Variants in PDE3A observed in about 807,000 individuals in gnomAD.
The protein encoded by PDE3A is cGMP-inhibited 3',5'-cyclic phosphodiesterase 3A.
A neutral mutation model predicts 98.3 loss-of-function variants in PDE3A; 43 were observed. That is an observed-to-expected ratio of 0.44 (90% CI 0.34 to 0.56). The LOEUF is 0.56. PDE3A is among the 20% of genes least tolerant of loss of function. The probability of loss-of-function intolerance (pLI) is 0.01; values close to 1 mark genes in which losing one functional copy is unlikely to be tolerated. For missense variants in PDE3A, 1,427 were observed against 1,440.7 expected, an observed-to-expected ratio of 0.99 and a Z score of 0.15; for synonymous variants, 663 against 567.9, an observed-to-expected ratio of 1.17 and a Z score of -2.38.
chr12:20,482,969 C>T (rs1198112737), intron 1 of PDE3A, among the ~76,000 whole-genome samples: 1 of 152,058 alleles, frequency 6.6e-6, no homozygotes, highest in East Asian at 1.9e-4. Context: ...ATAAAAGTTT[C>T]TGCTTGATTT....
chr12:20,538,401 C>A (rs112478943), intron 1 of PDE3A, among the ~76,000 whole-genome samples: 3 of 151,896 alleles, frequency 2.0e-5, no homozygotes, highest in African/African-American at 7.3e-5. Flanking sequence ...GCTGAGTTTT[C>A]CCCTTTTTAA....
At chr12:20,372,302 T>C (rs570624442) in intron 1 of PDE3A, among the ~76,000 whole-genome samples, 1 of 152,314 alleles carries the variant, frequency 6.6e-6, no homozygotes, top group Admixed American at 6.5e-5. Context: ...TTAAAGACTG[T>C]GTTAATGAAG....
At chr12:20,517,213 A>G (rs1946337740) in intron 1 of PDE3A, among the ~76,000 whole-genome samples, 1 of 152,220 alleles carries the variant, frequency 6.6e-6, no homozygotes, top group Non-Finnish European at 1.5e-5. Flanking sequence ...TGTTATCATT[A>G]GTGCCTACAC....
intron 1 of PDE3A, among the ~76,000 whole-genome samples, chr12:20,417,398 T>C (rs1740530546): frequency 6.6e-6 from 1 of 152,220 alleles, no homozygotes; most frequent in African/African-American, 2.4e-5. Context: ...TAGATACTGG[T>C]ATATTAAAGA....
chr12:20,646,705 C>T (rs765478199), intron 11 of PDE3A, 46 bp from the exon 12 acceptor site: 1 of 1,437,136 alleles, frequency 7.0e-7, no homozygotes, highest in East Asian at 2.3e-5. Context: ...CAAATAATGT[C>T]AGTACTTTTT....
At chr12:20,491,078 C>T (rs1310588710) in intron 1 of PDE3A, among the ~76,000 whole-genome samples, 1 of 152,010 alleles carries the variant, frequency 6.6e-6, no homozygotes, top group East Asian at 1.9e-4. Flanking sequence ...GAGCCTGACT[C>T]AAAAAAATCC....
At chr12:20,468,692 T>G (rs543952251) in intron 1 of PDE3A, among the ~76,000 whole-genome samples, 3 of 152,180 alleles carry the variant, frequency 2.0e-5, no homozygotes, top group Non-Finnish European at 4.4e-5. Flanking sequence ...ATTGTGACTT[T>G]TAACCTAACT....
At chr12:20,396,766 G>A (rs1308050631) in intron 1 of PDE3A, among the ~76,000 whole-genome samples, 2 of 151,960 alleles carry the variant, frequency 1.3e-5, no homozygotes, top group African/African-American at 4.8e-5. Flanking sequence ...GTTACCTAAG[G>A]GTTAGTTTGC....
At chr12:20,409,295 A>C (rs185488026) in intron 1 of PDE3A, among the ~76,000 whole-genome samples, 48 of 152,274 alleles carry the variant, frequency 3.2e-4, no homozygotes, top group Non-Finnish European at 4.0e-4. Context: ...TACTTTTTAA[A>C]ATTCTATTTG....
At chr12:20,427,845 A>G (rs1944626609) in intron 1 of PDE3A, among the ~76,000 whole-genome samples, 1 of 151,938 alleles carries the variant, frequency 6.6e-6, no homozygotes, top group African/African-American at 2.4e-5. Flanking sequence ...TCTAGAATAT[A>G]TAATATATTC....
chr12:20,529,430 C>T (rs1946584068), intron 1 of PDE3A, among the ~76,000 whole-genome samples: 2 of 152,068 alleles, frequency 1.3e-5, no homozygotes, highest in Admixed American at 1.3e-4. Context: ...ATCCTAAGCC[C>T]TAACACCTCA....
intron 1 of PDE3A, among the ~76,000 whole-genome samples, chr12:20,477,122 C>A (rs1945544778): frequency 1.3e-5 from 2 of 152,202 alleles, no homozygotes; most frequent in Non-Finnish European, 2.9e-5. Context: ...CTAACAGATG[C>A]ACAGGGAGCA....
At chr12:20,484,666 A>T (rs891144305) in intron 1 of PDE3A, among the ~76,000 whole-genome samples, 5 of 152,052 alleles carry the variant, frequency 3.3e-5, no homozygotes, top group African/African-American at 1.2e-4. Flanking sequence ...GTTCTTTATT[A>T]CGTTAGCTCA....
At chr12:20,507,387 A>G (rs1241030141) in intron 1 of PDE3A, among the ~76,000 whole-genome samples, 2 of 152,062 alleles carry the variant, frequency 1.3e-5, no homozygotes, top group Admixed American at 1.3e-4. Context: ...ATGACAAGGT[A>G]TTTGAAAGTA....
intron 1 of PDE3A, among the ~76,000 whole-genome samples, chr12:20,507,937 A>T (rs1946148597): frequency 6.6e-6 from 1 of 152,034 alleles, no homozygotes; most frequent in Non-Finnish European, 1.5e-5. Flanking sequence ...TGATCCTTTC[A>T]GAACCTGAGT....
intron 1 of PDE3A, among the ~76,000 whole-genome samples, chr12:20,474,363 G>A (rs80325674): frequency 0.022 from 3,296 of 152,126 alleles, 39 homozygotes; most frequent in African/African-American, 0.026. Context: ...GTGTTTTCTC[G>A]TAGGATTTTT....
intron 12 of PDE3A, among the ~76,000 whole-genome samples, chr12:20,647,518 C>T (rs998211648): frequency 2.0e-5 from 3 of 152,042 alleles, no homozygotes; most frequent in Non-Finnish European, 4.4e-5. Context: ...AAATTCATCA[C>T]TAAGTATGTA....
chr12:20,618,840 A>G (rs2121473382), intron 4 of PDE3A, among the ~76,000 whole-genome samples: 1 of 152,154 alleles, frequency 6.6e-6, no homozygotes, highest in East Asian at 1.9e-4. Context: ...AAGGCAGTAA[A>G]CTTGGCAAAA....
intron 14 of PDE3A, among the ~76,000 whole-genome samples, chr12:20,651,745 G>A: frequency 7.0e-6 from 1 of 143,590 alleles, no homozygotes; most frequent in Non-Finnish European, 1.5e-5. Flanking sequence ...ACTATAGGTA[G>A]GATTCATATA....
Sources: allele counts gnomAD v4.1 joint callset (sites outside exome capture counted in the v4.1 genomes callset), GRCh38; gene constraint gnomAD v4.1.1; transcripts MANE v1.5; gene names NCBI Gene and HGNC (gene_info 2026-07-23, HGNC 2026-07-21).